The following ABL2 variants were observed in gnomAD, a reference collection of about 807,000 sequenced individuals.
ABL2 encodes the protein ABL proto-oncogene 2, non-receptor tyrosine kinase, also known as tyrosine-protein kinase ABL2.
A neutral mutation model predicts 107.7 loss-of-function variants in ABL2; 49 were observed. The observed-to-expected ratio is 0.45, with a 90% CI of 0.36 to 0.58. The LOEUF (loss-of-function observed/expected upper bound fraction) is 0.58. Among genes scored for constraint, ABL2 ranks in the 20% least tolerant of loss-of-function variants. The probability of loss-of-function intolerance (pLI) is 0.00; values close to 1 mark genes in which losing one functional copy is unlikely to be tolerated. For synonymous variants in ABL2, 549 were observed against 548.6 expected (o/e 1.00, Z -0.01); for missense variants, 1,245 against 1,457.0 (o/e 0.85, Z 2.37).
chr1:179,110,243 C>T lies in ABL2; in HGVS notation c.1825+39G>A, dbSNP rs746056636. 8 of 1,610,824 alleles carry T rather than the reference C, an allele frequency of 5.0e-6. No individual in the cohort carries two copies. In the South Asian group the frequency reaches 7.7e-5, roughly 16 times the overall value. The stretch of plus-strand genomic sequence containing the variant: ...ACACCCCATGCTTCTTTAAACAAGG[C>T]AGTTTCTATTTTGATTCTACCTGCT... On this transcript the variant is annotated intron_variant, in intron 11 of 11. Transcript: ENST00000502732.
intron 1 of ABL2, among the ~76,000 whole-genome samples, chr1:179,159,175 T>C (rs1351438104): frequency 3.9e-5 from 6 of 152,210 alleles, no homozygotes; most frequent in Admixed American, 6.5e-5. Flanking sequence ...AACTTGGATG[T>C]AACCTAAATT....
chr1:179,214,604 T>G (rs1662462757), intron 1 of ABL2, among the ~76,000 whole-genome samples: 1 of 148,650 alleles, frequency 6.7e-6, no homozygotes, highest in African/African-American at 2.5e-5. Context: ...TGATGGACTA[T>G]TCACAAATTA....
chr1:179,120,505 A>C (rs1655090321), intron 5 of ABL2, among the ~76,000 whole-genome samples: 1 of 151,942 alleles, frequency 6.6e-6, no homozygotes. Context: ...TCTCACTGCA[A>C]CCTCCGCTTC....
chr1:179,130,770 A>C (rs1459871641), intron 3 of ABL2, among the ~76,000 whole-genome samples: 1 of 139,374 alleles, frequency 7.2e-6, no homozygotes, highest in Non-Finnish European at 1.5e-5. Context: ...GTGTGTACGC[A>C]CACACGCATG....
intron 1 of ABL2, among the ~76,000 whole-genome samples, chr1:179,183,240 G>A (rs1180022318): frequency 1.3e-5 from 2 of 152,060 alleles, no homozygotes; most frequent in East Asian, 3.9e-4. Context: ...TGGGGCGGGA[G>A]GTGAGGGATG....
intron 1 of ABL2, among the ~76,000 whole-genome samples, chr1:179,207,063 T>A (rs1264685896): frequency 6.6e-6 from 1 of 152,198 alleles, no homozygotes; most frequent in African/African-American, 2.4e-5. Flanking sequence ...AGCTGTACAG[T>A]GATGCCTGTC....
At chr1:179,151,050 TTAG>T (rs1163782914) in intron 1 of ABL2, among the ~76,000 whole-genome samples, 1 of 152,176 alleles carries the variant, frequency 6.6e-6, no homozygotes, top group Non-Finnish European at 1.5e-5. Flanking sequence ...AATTACACAC[TTAG>T]TAGACCACAG....
intron 1 of ABL2, among the ~76,000 whole-genome samples, chr1:179,185,455 A>AT (rs1557983230): frequency 6.6e-6 from 1 of 152,000 alleles, no homozygotes; most frequent in Non-Finnish European, 1.5e-5. Flanking sequence ...TTTAAAAAAA[A>AT]TTTTTTTGTT....
intron 1 of ABL2, among the ~76,000 whole-genome samples, chr1:179,219,307 G>GT (rs1662749589): frequency 2.0e-5 from 3 of 152,062 alleles, no homozygotes; most frequent in Admixed American, 6.6e-5. Flanking sequence ...GCCTCCCAAA[G>GT]TGCTGGGATT....
rs891162876 is a variant in ABL2 at position 179,192,358 on chromosome 1, G to GA, written c.157+36882dup. ...ATATGATAAGAGAATGTCAAATGTG[G>GA]AATGTCAAACCCTTCCACCAACACT... On this transcript the variant is annotated intron_variant, in intron 1 of 11. Coordinates refer to ENST00000502732, the MANE Select transcript of ABL2 (RefSeq NM_007314.4). 1.3e-4 allele frequency among the ~76,000 whole-genome samples: 20 copies of GA among 152,162 alleles called. 1 individual carries two copies. Among genetic ancestry groups the GA allele is most frequent in the African/African-American group, 4.8e-4 (20 of 41,428 alleles).
Position 179,107,544 on chromosome 1 carries a change from G to T in ABL2, c.*174C>A. 1 of 1,318,896 alleles carries T rather than the reference G, an allele frequency of 7.6e-7. No individual in the cohort carries two copies. The highest frequency in any genetic ancestry group is 1.0e-6 in the Non-Finnish European group (1 of 996,680). 81.7% of individuals were successfully genotyped at this position (1,318,896 alleles called of 1,614,324 possible). A position where few individuals can be genotyped will look rare whatever the true frequency, so the allele number is the denominator to read the frequency against. Reference sequence around the variant, plus strand: ...TACCTCTCCTATACTTATGTGGTTTGCTTCTTATTTTTGAGATGAAACTGT... The same window carrying T: ...TACCTCTCCTATACTTATGTGGTTTTCTTCTTATTTTTGAGATGAAACTGT... On this transcript the variant is annotated 3_prime_UTR_variant, in exon 12 of 12. Transcript: ENST00000502732.
intron 1 of ABL2, chr1:179,221,919 C>T (rs192184831): frequency 8.5e-6 from 2 of 234,768 alleles, no homozygotes; most frequent in African/African-American, 2.3e-5. Context: ...TGATGGGTCA[C>T]GTAAAACCCA....
intron 1 of ABL2, among the ~76,000 whole-genome samples, chr1:179,224,835 T>C (rs1453232802): frequency 1.4e-5 from 2 of 141,322 alleles, no homozygotes; most frequent in African/African-American, 5.3e-5. Context: ...AGCAACATAG[T>C]GAGACCTCCG....
intron 1 of ABL2, among the ~76,000 whole-genome samples, chr1:179,170,261 C>A (rs1169638570): frequency 6.6e-6 from 1 of 152,044 alleles, no homozygotes; most frequent in African/African-American, 2.4e-5. Flanking sequence ...AGGGTGGAGC[C>A]CTCATGACCT....
At chr1:179,145,039 G>A (rs1657890421) in intron 1 of ABL2, among the ~76,000 whole-genome samples, 1 of 151,952 alleles carries the variant, frequency 6.6e-6, no homozygotes, top group Non-Finnish European at 1.5e-5. Flanking sequence ...AACAAAAGGT[G>A]GTCTATACAT....
At chr1:179,117,300 A>G in intron 8 of ABL2, 32 bp downstream of exon 8, 1 of 1,603,048 alleles carries the variant, frequency 6.2e-7, no homozygotes, top group East Asian at 2.2e-5. Flanking sequence ...AAAAAATAAA[A>G]TGACACAGAA....
rs1652914156 is a variant in ABL2, at chr1:179,099,425, A to C, written c.*8293T>G. On this transcript the variant is annotated 3_prime_UTR_variant, in exon 12 of 12. Coordinates refer to ENST00000502732, the MANE Select transcript of ABL2 (RefSeq NM_007314.4). The stretch of plus-strand genomic sequence containing the variant: ...GAAAGCAGTCCCTTTCAAGGGCCTC[A>C]TTTATTTACATCAAGTTTAACACTG... 5 of 214,008 alleles carry C rather than the reference A, an allele frequency of 2.3e-5. No homozygotes were observed. The South Asian group carries it at 9.3e-4, about 40-fold the overall frequency. The allele number at this position is 214,008 out of a possible 1,614,324, so 13.3% of individuals were successfully genotyped here.
rs28913890 is a variant in ABL2 at position 179,108,280 on chromosome 1, G to C, written c.2987C>G (p.Pro996Arg). The stretch of plus-strand genomic sequence containing the variant: ...TTCTGTAGGGTCTGAGCAGATGGAC[G>C]GATGCTGCAGTAGTCTCATCACTGG... ...PPPVMRLLQH[P>R]SICSDPTEEP... The change falls in exon 12 of 12, where the codon CCG becomes CGG. Residue 996 changes from proline to arginine, a missense_variant. By Grantham distance (103) the Pro-to-Arg change is moderately radical (BLOSUM62 -2). Transcript: ENST00000502732. The C allele has an allele frequency of 1.6e-3, 2,557 of 1,614,124 alleles. 22 individuals are homozygous for C. The East Asian group carries it at 0.024, about 15-fold the overall frequency.
chr1:179,154,560 C>A (rs1012238530), intron 1 of ABL2, among the ~76,000 whole-genome samples: 1 of 152,190 alleles, frequency 6.6e-6, no homozygotes, highest in Non-Finnish European at 1.5e-5. Context: ...TCGGTCCTAA[C>A]CAATTATGTT....
Sources: allele counts gnomAD v4.1 joint callset (sites outside exome capture counted in the v4.1 genomes callset), GRCh38; gene constraint gnomAD v4.1.1; transcripts MANE v1.5; gene names NCBI Gene and HGNC (gene_info 2026-07-23, HGNC 2026-07-21).